The following CFAP47 variants were observed in gnomAD, a reference collection of about 807,000 sequenced individuals.
CFAP47 encodes the protein cilia and flagella associated protein 47, also known as cilia- and flagella-associated protein 47.
Under a neutral mutation model 148.1 loss-of-function variants are expected in CFAP47, and 29 were observed. That is an observed-to-expected ratio of 0.20 (90% CI 0.15 to 0.27). CFAP47 has a LOEUF of 0.27. CFAP47 is among the 10% of genes least tolerant of loss of function. The pLI, the probability that CFAP47 is intolerant of heterozygous loss-of-function variation, is 1.00. For missense variants in CFAP47, 1,872 were observed against 1,697.5 expected, an observed-to-expected ratio of 1.10 and a Z score of -1.81; for synonymous variants, 664 against 577.3, an observed-to-expected ratio of 1.15 and a Z score of -2.15.
chrX:36,343,422 G>T (rs1355703282), intron 57 of CFAP47, among the ~76,000 whole-genome samples: 19 of 111,811 alleles, frequency 1.7e-4, no homozygotes, highest in Admixed American at 1.4e-3. Context: ...TCATTAAAAA[G>T]TCAGGAAACA....
At chrX:36,288,908 C>T (rs1278652036) in intron 51 of CFAP47, among the ~76,000 whole-genome samples, 1 of 107,705 alleles carries the variant, frequency 9.3e-6, no homozygotes, top group African/African-American at 3.4e-5. Context: ...TGTGAGTTGC[C>T]AACCATTTTT....
At chrX:36,363,763 A>AGAATACAGT (rs1424582202) in intron 61 of CFAP47, among the ~76,000 whole-genome samples, 3 of 111,951 alleles carry the variant, frequency 2.7e-5, no homozygotes, top group Non-Finnish European at 5.7e-5. Flanking sequence ...ATCTTTTCAC[A>AGAATACAGT]GAATACAGTG....
intron 33 of CFAP47, among the ~76,000 whole-genome samples, chrX:36,134,796 T>C: frequency 9.0e-6 from 1 of 110,993 alleles, no homozygotes; most frequent in East Asian, 2.9e-4. Context: ...AGCTACAGAC[T>C]GGGGGAAAGT....
chrX:35,956,965 A>G (rs754569158), intron 8 of CFAP47, among the ~76,000 whole-genome samples: 1 of 111,118 alleles, frequency 9.0e-6, no homozygotes, highest in Non-Finnish European at 1.9e-5. Context: ...TAATCCCAGT[A>G]CTTTGGGAGG....
At chrX:36,343,716 G>T (rs782115840) in intron 57 of CFAP47, among the ~76,000 whole-genome samples, 1 of 111,545 alleles carries the variant, frequency 9.0e-6, no homozygotes, top group East Asian at 2.8e-4. Context: ...TAATTAGAAG[G>T]AAGAACAGCT....
At chrX:36,124,907 A>G (rs1938809345) in intron 33 of CFAP47, among the ~76,000 whole-genome samples, 1 of 111,452 alleles carries the variant, frequency 9.0e-6, no homozygotes, top group East Asian at 2.8e-4. Context: ...TCACAATTGA[A>G]TTGAACACAA....
intron 53 of CFAP47, 113 bp downstream of exon 53, chrX:36,301,292 C>A (rs1480659258): frequency 2.2e-6 from 1 of 451,353 alleles, no homozygotes; most frequent in African/African-American, 2.7e-5. Flanking sequence ...TATCTTTAGT[C>A]ATTGATTTTT....
At chrX:36,234,358 A>C (rs1940420855) in intron 46 of CFAP47, among the ~76,000 whole-genome samples, 1 of 110,455 alleles carries the variant, frequency 9.1e-6, no homozygotes, top group Admixed American at 9.6e-5. Context: ...TCTTCATTTC[A>C]TTCATTTCAT....
chrX:36,248,463 TAGA>T (rs1298406489), intron 48 of CFAP47, among the ~76,000 whole-genome samples: 1 of 101,756 alleles, frequency 9.8e-6, no homozygotes, highest in Non-Finnish European at 2.0e-5. Context: ...AAAGAAAGCA[TAGA>T]AAAGTATTTT....
At chrX:35,938,812 C>T (rs1935956098) in intron 2 of CFAP47, among the ~76,000 whole-genome samples, 1 of 111,624 alleles carries the variant, frequency 9.0e-6, no homozygotes, top group African/African-American at 3.3e-5. Flanking sequence ...GTGTCAGCTA[C>T]GTCAGTTGTA....
chrX:36,232,599 T>C (rs1388583634), intron 46 of CFAP47, among the ~76,000 whole-genome samples: 1 of 111,911 alleles, frequency 8.9e-6, no homozygotes, highest in Non-Finnish European at 1.9e-5. Flanking sequence ...AGGGTTTTTT[T>C]GTGTCTCTAT....
intron 2 of CFAP47, among the ~76,000 whole-genome samples, chrX:35,938,332 A>G (rs1935948847): frequency 9.0e-6 from 1 of 111,200 alleles, no homozygotes; most frequent in Non-Finnish European, 1.9e-5. Flanking sequence ...TTATGTCTAT[A>G]TAGGTATATG....
intron 29 of CFAP47, among the ~76,000 whole-genome samples, chrX:36,076,742 C>T (rs1398044624): frequency 2.7e-5 from 3 of 111,386 alleles, no homozygotes; most frequent in Non-Finnish European, 5.7e-5. Context: ...TTTAGTTTAA[C>T]TGGTCCCACT....
intron 25 of CFAP47, among the ~76,000 whole-genome samples, chrX:36,046,522 G>A (rs1487353845): frequency 1.8e-5 from 2 of 110,704 alleles, no homozygotes; most frequent in Non-Finnish European, 3.8e-5. Context: ...ATAACTTTTG[G>A]TAAATTTTCA....
At chrX:36,235,635 C>G (rs1312138721) in intron 46 of CFAP47, among the ~76,000 whole-genome samples, 1 of 112,257 alleles carries the variant, frequency 8.9e-6, no homozygotes, top group Non-Finnish European at 1.9e-5. Flanking sequence ...CTGTCCTGTG[C>G]CCACTGTCTG....
intron 57 of CFAP47, among the ~76,000 whole-genome samples, chrX:36,327,202 G>T (rs2146970406): frequency 8.9e-6 from 1 of 111,751 alleles, no homozygotes; most frequent in East Asian, 2.8e-4. Flanking sequence ...GGAGAAAATA[G>T]TCACAAACTT....
chrX:35,922,312 T>C (rs1375904084), intron 1 of CFAP47, among the ~76,000 whole-genome samples: 1 of 112,516 alleles, frequency 8.9e-6, no homozygotes, highest in Non-Finnish European at 1.9e-5. Context: ...CTGGATACCA[T>C]TTTCATTTAC....
chrX:36,160,917 T>C, intron 39 of CFAP47, 148 bp downstream of exon 39: 3 of 236,888 alleles, frequency 1.3e-5, no homozygotes, highest in Non-Finnish European at 1.5e-5. Context: ...AGCACCATCT[T>C]GGCTCACTGC....
intron 26 of CFAP47, among the ~76,000 whole-genome samples, chrX:36,048,355 CCTATGT>C: frequency 9.0e-6 from 1 of 111,074 alleles, no homozygotes; most frequent in South Asian, 3.8e-4. Context: ...GGTTTTTTGC[CCTATGT>C]TGAAGCCTTT....
Sources: allele counts gnomAD v4.1 joint callset (sites outside exome capture counted in the v4.1 genomes callset), GRCh38; gene constraint gnomAD v4.1.1; transcripts MANE v1.5; gene names NCBI Gene and HGNC (gene_info 2026-07-23, HGNC 2026-07-21).